The following CHST15 variants were observed in gnomAD, a reference collection of about 807,000 sequenced individuals.
CHST15 encodes the protein carbohydrate sulfotransferase 15, also known as B cell RAG associated protein (GALNAC4S-6ST).
CHST15 carries 30 observed loss-of-function variants against 53.6 expected under a neutral mutation model. That is an observed-to-expected ratio of 0.56 (90% CI 0.42 to 0.76). The LOEUF is 0.76. Ranked by LOEUF, CHST15 falls within the 30% of genes least tolerant of loss-of-function variation. The pLI, the probability that CHST15 is intolerant of heterozygous loss-of-function variation, is 0.00. For synonymous variants in CHST15, 296 were observed against 289.8 expected, an observed-to-expected ratio of 1.02 and a Z score of -0.22; for missense variants, 627 against 740.5, an observed-to-expected ratio of 0.85 and a Z score of 1.78.
intron 1 of CHST15, among the ~76,000 whole-genome samples, chr10:124,056,772 C>T (rs968542846): frequency 6.6e-6 from 1 of 152,140 alleles, no homozygotes; most frequent in African/African-American, 2.4e-5. Flanking sequence ...CAGGCCCGTA[C>T]GACCGGACAC....
chr10:124,050,045 TG>T (rs1948136817), intron 1 of CHST15, among the ~76,000 whole-genome samples: 1 of 151,562 alleles, frequency 6.6e-6, no homozygotes, highest in South Asian at 2.1e-4. Context: ...GGCGTGGGGG[TG>T]GGGGCCTCTC....
rs1947514869 is a variant in CHST15, at chr10:124,036,809, C to T, written c.1190+1706G>A. On this transcript the variant is annotated intron_variant, in intron 5 of 7. Transcript: ENST00000435907. The surrounding 1 kb of genome is among the most constrained non-coding windows in gnomAD (Gnocchi z 5.1). ...TCCAAAATTTCCACAACAAACACGC[C>T]TTATTGTTATAATTGGCAAATACGT... 6.6e-6 allele frequency among the ~76,000 whole-genome samples: 1 copy of T among 152,156 alleles called. No individual in the cohort carries two copies. The highest frequency in any genetic ancestry group is 2.4e-5 in the African/African-American group (1 of 41,420).
intron 5 of CHST15, among the ~76,000 whole-genome samples, chr10:124,037,043 TCTG>T (rs1007975893): frequency 1.3e-5 from 2 of 152,138 alleles, no homozygotes; most frequent in African/African-American, 4.8e-5. Flanking sequence ...TCTCCTGGCT[TCTG>T]GTGGCTGCCG....
At chr10:124,087,114 G>A (rs1033095037) in intron 1 of CHST15, among the ~76,000 whole-genome samples, 1 of 152,186 alleles carries the variant, frequency 6.6e-6, no homozygotes, top group Admixed American at 6.5e-5. Context: ...GACCACTTTC[G>A]TGGAAGGGTA....
chr10:124,044,423 A>T (rs968730857), intron 3 of CHST15, among the ~76,000 whole-genome samples, 157 bp downstream of exon 3: 6 of 152,158 alleles, frequency 3.9e-5, no homozygotes, highest in African/African-American at 1.4e-4. Context: ...CGAGTTCCAG[A>T]CCCTGCTGGG....
chr10:124,020,279 G>C (rs1195126235), intron 6 of CHST15: 1 of 985,422 alleles, frequency 1.0e-6, no homozygotes, highest in Non-Finnish European at 1.2e-6. Context: ...TAGAGTCACA[G>C]AGCCAGCAAA....
chr10:124,011,138 G>C (rs1946406919), intron 7 of CHST15: 1 of 933,582 alleles, frequency 1.1e-6, no homozygotes, highest in South Asian at 5.0e-5. Context: ...AACAGCAAGG[G>C]CTGCGACCCC....
At chr10:124,080,688 T>C (rs1949205895) in intron 1 of CHST15, among the ~76,000 whole-genome samples, 1 of 152,196 alleles carries the variant, frequency 6.6e-6, no homozygotes, top group Admixed American at 6.5e-5. Context: ...CCAATGTTCT[T>C]CTTGATCAAA....
intron 1 of CHST15, among the ~76,000 whole-genome samples, chr10:124,084,844 C>T (rs1481325437): frequency 6.6e-6 from 1 of 152,220 alleles, no homozygotes; most frequent in East Asian, 1.9e-4. Context: ...AGGAAACCAA[C>T]AACAGAGAAG....
intron 6 of CHST15, among the ~76,000 whole-genome samples, chr10:124,014,967 G>A (rs7915736): frequency 0.26 from 39,317 of 152,022 alleles, 5,245 homozygotes; most frequent in East Asian, 0.35. Flanking sequence ...AGAGGAAACC[G>A]CAGGGGCTGC....
At chr10:124,052,764 G>C (rs972387168) in intron 1 of CHST15, among the ~76,000 whole-genome samples, 5 of 152,184 alleles carry the variant, frequency 3.3e-5, no homozygotes, top group Admixed American at 1.3e-4. Flanking sequence ...GGCCGGGCGC[G>C]GTGGCTCATG....
chr10:124,065,084 G>A (rs1300182119), intron 1 of CHST15, among the ~76,000 whole-genome samples: 1 of 152,174 alleles, frequency 6.6e-6, no homozygotes, highest in African/African-American at 2.4e-5. Flanking sequence ...TGGGGGCGGG[G>A]GTTAAATTTA....
At chr10:124,064,867 A>C (rs1948706925) in intron 1 of CHST15, among the ~76,000 whole-genome samples, 1 of 150,256 alleles carries the variant, frequency 6.7e-6, no homozygotes, top group Non-Finnish European at 1.5e-5. Flanking sequence ...TGATCCTCCA[A>C]CCCTTCCCAC....
chr10:124,040,965 A>C (rs916528736), intron 4 of CHST15, among the ~76,000 whole-genome samples: 1 of 152,166 alleles, frequency 6.6e-6, no homozygotes, highest in Non-Finnish European at 1.5e-5. Context: ...CATCTCTTTC[A>C]TAAGAACATG....
At chr10:124,072,586 A>C (rs1319594261) in intron 1 of CHST15, among the ~76,000 whole-genome samples, 1 of 152,176 alleles carries the variant, frequency 6.6e-6, no homozygotes, top group African/African-American at 2.4e-5. Context: ...GCAGCTCTCA[A>C]GCCCTCCCAA....
At chr10:124,045,132 A>C (rs1362430873) in intron 2 of CHST15, among the ~76,000 whole-genome samples, 11 of 145,798 alleles carry the variant, frequency 7.5e-5, no homozygotes, top group East Asian at 5.9e-4. Context: ...AAAAAAAAAA[A>C]AAAAAAAAAA....
At chr10:124,088,472 A>T (rs909652896) in intron 1 of CHST15, among the ~76,000 whole-genome samples, 6 of 152,214 alleles carry the variant, frequency 3.9e-5, no homozygotes, top group Non-Finnish European at 5.9e-5. Context: ...AAGATGAGAA[A>T]CTGCTTCCCA....
chr10:124,041,387 A>G (rs1020428567), intron 4 of CHST15, among the ~76,000 whole-genome samples: 2 of 152,252 alleles, frequency 1.3e-5, no homozygotes, highest in African/African-American at 2.4e-5. Flanking sequence ...ACGCCTTCTA[A>G]GCTGAATCCA....
chr10:124,048,296 T>C (rs1177732829), intron 1 of CHST15, among the ~76,000 whole-genome samples: 3 of 152,202 alleles, frequency 2.0e-5, no homozygotes, highest in Non-Finnish European at 4.4e-5. Flanking sequence ...GAGAGGAATA[T>C]AATACACAAA....
Sources: allele counts gnomAD v4.1 joint callset (sites outside exome capture counted in the v4.1 genomes callset), GRCh38; gene constraint gnomAD v4.1.1; non-coding constraint Gnocchi (gnomAD v3.1); transcripts MANE v1.5; gene names NCBI Gene and HGNC (gene_info 2026-07-23, HGNC 2026-07-21).